The following INPP4B variants were observed in gnomAD, a reference collection of about 807,000 sequenced individuals.
INPP4B encodes inositol polyphosphate 4-phosphatase type II.
A neutral mutation model predicts 122.5 loss-of-function variants in INPP4B; 55 were observed. That is an observed-to-expected ratio of 0.45 (90% CI 0.36 to 0.56). INPP4B has a LOEUF of 0.56. INPP4B is among the 20% of genes least tolerant of loss of function. The probability of loss-of-function intolerance (pLI) is 0.00; values close to 1 mark genes in which losing one functional copy is unlikely to be tolerated. For missense variants in INPP4B, 1,000 were observed against 1,097.7 expected, an observed-to-expected ratio of 0.91 and a Z score of 1.26; for synonymous variants, 403 against 388.7, an observed-to-expected ratio of 1.04 and a Z score of -0.43.
intron 1 of INPP4B, among the ~76,000 whole-genome samples, chr4:142,836,688 A>T (rs1196022294): frequency 1.3e-5 from 2 of 150,508 alleles, no homozygotes; most frequent in East Asian, 3.9e-4. Context: ...GTAAATTTAA[A>T]CCTAATTTAG....
At chr4:142,476,049 T>G (rs772022513) in intron 2 of INPP4B, among the ~76,000 whole-genome samples, 4 of 152,108 alleles carry the variant, frequency 2.6e-5, no homozygotes, top group Non-Finnish European at 5.9e-5. Flanking sequence ...TATCAGATTC[T>G]TCAATGTTGA....
Position 142,244,995 on chromosome 4 carries a change from C to T in INPP4B, c.689-6984G>A, listed in dbSNP as rs1403488302. 2.6e-5 allele frequency among the ~76,000 whole-genome samples: 4 copies of T among 152,196 alleles called. No individual in the cohort carries two copies. In the East Asian group the frequency reaches 7.7e-4, roughly 29 times the overall value. On this transcript the variant is annotated intron_variant, in intron 11 of 25. Coordinates refer to ENST00000262992, the MANE Select transcript of INPP4B (RefSeq NM_001101669.3). ...TGACCAGTGATGATGAGTTATTTTT[C>T]ATATGCCTGTGGGCCACATAAATGT...
At chr4:142,686,415 G>C (rs558355139) in intron 2 of INPP4B, among the ~76,000 whole-genome samples, 185 of 152,218 alleles carry the variant, frequency 1.2e-3, no homozygotes, top group Non-Finnish European at 2.0e-3. Flanking sequence ...CAACAGTCTA[G>C]TTGGCTGTGT....
chr4:142,117,387 G>A (rs1294612375), intron 21 of INPP4B, among the ~76,000 whole-genome samples: 1 of 152,122 alleles, frequency 6.6e-6, no homozygotes, highest in Non-Finnish European at 1.5e-5. Flanking sequence ...CAATATCTCT[G>A]ATGAACATTG....
chr4:142,170,237 T>G lies in INPP4B; in HGVS notation c.1359+3395A>C, dbSNP rs539313139. On this transcript the variant is annotated intron_variant, in intron 16 of 25. Coordinates refer to ENST00000262992, the MANE Select transcript of INPP4B (RefSeq NM_001101669.3). ...ATTCTTACACCATAAGATTATACTA[T>G]TCTTTAATATTTTCATGAACTAATA... 1.6e-3 allele frequency among the ~76,000 whole-genome samples: 237 copies of G among 151,894 alleles called. 1 individual carries two copies. Among genetic ancestry groups the G allele is most frequent in the African/African-American group, 5.0e-3 (209 of 41,508 alleles).
chr4:142,028,963 A>G (rs754033768), intron 25 of INPP4B, 49 bp from the exon 26 acceptor site: 9 of 1,578,104 alleles, frequency 5.7e-6, no homozygotes, highest in Admixed American at 3.7e-5. Flanking sequence ...GAATAAATAA[A>G]TATGCTTTAT....
At chr4:142,061,438 CAATT>C (rs775082583) in intron 25 of INPP4B, among the ~76,000 whole-genome samples, 32 of 152,172 alleles carry the variant, frequency 2.1e-4, no homozygotes, top group Non-Finnish European at 3.8e-4. Flanking sequence ...AAGAGAATAA[CAATT>C]AATGTGTAAA....
At chr4:142,101,419 A>C (rs928968496) in intron 23 of INPP4B, among the ~76,000 whole-genome samples, 191 of 152,274 alleles carry the variant, frequency 1.3e-3, no homozygotes, top group African/African-American at 4.3e-3. Flanking sequence ...AAGTAGCTTC[A>C]ATTCTCATCG....
chr4:142,179,302 G>C (rs1237688233), intron 15 of INPP4B, among the ~76,000 whole-genome samples: 2 of 151,608 alleles, frequency 1.3e-5, no homozygotes, highest in Admixed American at 6.6e-5. Context: ...GTAAAACCCT[G>C]TCTCTACTAA....
Position 142,756,538 on chromosome 4 carries a change from C to T in INPP4B, c.-253-30637G>A, listed in dbSNP as rs115120027. On this transcript the variant is annotated intron_variant, in intron 1 of 25. Coordinates refer to ENST00000262992, the MANE Select transcript of INPP4B (RefSeq NM_001101669.3). ...AAAACTGGAGGCTCCTCTTACTCTA[C>T]GGCATTCCAAGCTCATTCTCTATCA... 5.0e-3 allele frequency among the ~76,000 whole-genome samples: 765 copies of T among 152,080 alleles called. 9 individuals carry two copies. The highest frequency in any genetic ancestry group is 0.017 in the African/African-American group (723 of 41,528).
At chr4:142,107,291 G>T (rs1269854816) in intron 23 of INPP4B, among the ~76,000 whole-genome samples, 1 of 152,110 alleles carries the variant, frequency 6.6e-6, no homozygotes, top group Non-Finnish European at 1.5e-5. Flanking sequence ...AAATCAGTGA[G>T]CAAATTGTTC....
intron 5 of INPP4B, among the ~76,000 whole-genome samples, chr4:142,417,218 C>T (rs1027078104): frequency 1.1e-4 from 17 of 152,116 alleles, no homozygotes; most frequent in Non-Finnish European, 2.4e-4. Flanking sequence ...GAGTAGTTTA[C>T]ACTACTCAAA....
intron 2 of INPP4B, among the ~76,000 whole-genome samples, chr4:142,664,371 A>C (rs1442904448): frequency 1.3e-5 from 2 of 152,164 alleles, no homozygotes; most frequent in East Asian, 3.9e-4. Context: ...TACTCCACCA[A>C]GGTCTCACCC....
At chr4:142,609,108 C>T (rs1441692726) in intron 2 of INPP4B, among the ~76,000 whole-genome samples, 1 of 151,952 alleles carries the variant, frequency 6.6e-6, no homozygotes, top group Non-Finnish European at 1.5e-5. Flanking sequence ...ATTTTGTTCT[C>T]TTATTGTTTT....
Position 142,340,838 on chromosome 4 carries a change from C to CA in INPP4B, c.373-26077dup, listed in dbSNP as rs200274622. On this transcript the variant is annotated intron_variant, in intron 7 of 25. Coordinates refer to ENST00000262992, the MANE Select transcript of INPP4B (RefSeq NM_001101669.3). The stretch of plus-strand genomic sequence containing the variant: ...CCCTAGAGCAGGCCTCTAGAGTAGG[C>CA]AAAAAAAATCATAGAGGAGCTTTTT... Among the ~76,000 whole-genome samples the CA allele has an allele frequency of 9.7e-3, 1,461 of 150,942 alleles. 15 individuals carry two copies. Among genetic ancestry groups the CA allele is most frequent in the Non-Finnish European group, 0.013 (877 of 67,668 alleles).
At chr4:142,372,606 GT>G (rs2148721423) in intron 7 of INPP4B, among the ~76,000 whole-genome samples, 1 of 151,998 alleles carries the variant, frequency 6.6e-6, no homozygotes, top group East Asian at 1.9e-4. Context: ...GACAGAGAGG[GT>G]TGGGAAGCAT....
chr4:142,601,700 T>G (rs974033966), intron 2 of INPP4B, among the ~76,000 whole-genome samples: 1 of 151,424 alleles, frequency 6.6e-6, no homozygotes, highest in African/African-American at 2.4e-5. Flanking sequence ...CTGGGCATGG[T>G]GGCTCATGCC....
At chr4:142,168,165 AT>A (rs2152931193) in intron 16 of INPP4B, among the ~76,000 whole-genome samples, 1 of 150,724 alleles carries the variant, frequency 6.6e-6, no homozygotes, top group Non-Finnish European at 1.5e-5. Flanking sequence ...ACTTGAGTTT[AT>A]TTTTCTATAT....
chr4:142,721,350 C>T (rs1041278096), intron 2 of INPP4B, among the ~76,000 whole-genome samples: 1 of 152,108 alleles, frequency 6.6e-6, no homozygotes, highest in African/African-American at 2.4e-5. Flanking sequence ...AGAGTATATG[C>T]TCTTGCACAA....
Sources: allele counts gnomAD v4.1 joint callset (sites outside exome capture counted in the v4.1 genomes callset), GRCh38; gene constraint gnomAD v4.1.1; transcripts MANE v1.5; gene names NCBI Gene and HGNC (gene_info 2026-07-23, HGNC 2026-07-21).